Variants in SYTL5 observed in about 807,000 individuals in gnomAD.
SYTL5 encodes synaptotagmin-like protein 5.
A neutral mutation model predicts 55.9 loss-of-function variants in SYTL5; 34 were observed. The ratio of observed to expected loss-of-function variants is 0.61; its 90% CI spans 0.46 to 0.81. The LOEUF (loss-of-function observed/expected upper bound fraction) is 0.81, where lower values mean the gene tolerates loss of function less well. SYTL5 is among the 30% of genes least tolerant of loss of function. SYTL5 has a pLI of 0.00. For synonymous variants in SYTL5, 221 were observed against 188.7 expected, an observed-to-expected ratio of 1.17 and a Z score of -1.40; for missense variants, 637 against 546.7, an observed-to-expected ratio of 1.17 and a Z score of -1.65.
intron 11 of SYTL5, 59 bp from the exon 12 acceptor site, chrX:38,108,541 G>C (rs1034922454): frequency 3.3e-6 from 3 of 913,626 alleles, no homozygotes; most frequent in Non-Finnish European, 4.6e-6. Flanking sequence ...CGAAGTCTTT[G>C]AACATTTCTT....
the SYTL5 span, among the ~76,000 whole-genome samples, chrX:37,962,049 CCTA>C: frequency 2.1e-3 from 232 of 110,974 alleles, 1 homozygote; most frequent in African/African-American, 7.3e-3. Flanking sequence ...TGATTTGTCT[CCTA>C]CTTTTTTTTT....
intron 2 of SYTL5, among the ~76,000 whole-genome samples, chrX:38,039,930 C>T (rs1344046836): frequency 1.8e-5 from 2 of 111,285 alleles, no homozygotes; most frequent in Non-Finnish European, 3.8e-5. Flanking sequence ...AATCCCAGCA[C>T]TTTGGGAGAC....
the SYTL5 span, among the ~76,000 whole-genome samples, chrX:37,972,643 G>C: frequency 1.8e-5 from 2 of 111,610 alleles, no homozygotes; most frequent in African/African-American, 6.5e-5. Flanking sequence ...ACCATGGCCC[G>C]TGACACAACC....
intron 9 of SYTL5, among the ~76,000 whole-genome samples, chrX:38,099,720 A>G (rs1037708655): frequency 3.6e-5 from 4 of 111,201 alleles, no homozygotes; most frequent in Admixed American, 9.5e-5. Flanking sequence ...AGAGCTTCTC[A>G]TGTATGGTTT....
At chrX:38,099,916 T>A (rs1393133965) in intron 9 of SYTL5, among the ~76,000 whole-genome samples, 1 of 111,595 alleles carries the variant, frequency 9.0e-6, no homozygotes, top group Non-Finnish European at 1.9e-5. Context: ...ATTCCAAGGA[T>A]AAATCCCACT....
At chrX:38,043,664 TATATATATATATATATATATATATATAC>T (rs1323841550) in intron 2 of SYTL5, among the ~76,000 whole-genome samples, 1 of 34,739 alleles carries the variant, frequency 2.9e-5, no homozygotes, top group East Asian at 1.1e-3. Flanking sequence ...TATGTATGTA[TATATATATATATATATATATATATATAC>T]ATATATATAT....
chrX:38,091,606 G>A (rs1028231242), intron 7 of SYTL5, among the ~76,000 whole-genome samples: 1 of 111,573 alleles, frequency 9.0e-6, no homozygotes, highest in Non-Finnish European at 1.9e-5. Context: ...AGGGAGCACA[G>A]GGAAGTGGGA....
intron 13 of SYTL5, among the ~76,000 whole-genome samples, chrX:38,111,523 C>A (rs780640553): frequency 8.9e-6 from 1 of 112,238 alleles, no homozygotes; most frequent in South Asian, 3.7e-4. Flanking sequence ...AGTGATTAGG[C>A]ATAGCTTGAT....
intron 6 of SYTL5, among the ~76,000 whole-genome samples, chrX:38,080,091 T>C (rs1290657798): frequency 9.0e-6 from 1 of 111,328 alleles, no homozygotes; most frequent in Non-Finnish European, 1.9e-5. Context: ...AGGGCATTTC[T>C]AGGCCTCCAG....
intron 3 of SYTL5, among the ~76,000 whole-genome samples, chrX:38,064,980 T>C (rs1936060198): frequency 9.0e-6 from 1 of 111,711 alleles, no homozygotes; most frequent in African/African-American, 3.2e-5. Context: ...TTTGCATTTA[T>C]TTATTTTATC....
chrX:38,113,629 T>C (rs1937413169), intron 13 of SYTL5, among the ~76,000 whole-genome samples: 1 of 111,589 alleles, frequency 9.0e-6, no homozygotes, highest in Non-Finnish European at 1.9e-5. Flanking sequence ...ATACTAACCC[T>C]CACCCTGGCA....
the SYTL5 span, among the ~76,000 whole-genome samples, chrX:37,924,525 TAGA>T: frequency 1.2e-4 from 13 of 111,590 alleles, no homozygotes; most frequent in African/African-American, 3.9e-4. Flanking sequence ...GTATAGCTTA[TAGA>T]AGAAGTAAGA....
chrX:38,001,268 G>A, the SYTL5 span, among the ~76,000 whole-genome samples: 3 of 111,872 alleles, frequency 2.7e-5, no homozygotes, highest in South Asian at 1.1e-3. Flanking sequence ...TATCCTTTGT[G>A]TTATAAACAA....
intron 3 of SYTL5, among the ~76,000 whole-genome samples, chrX:38,070,146 C>T (rs1463668295): frequency 9.0e-6 from 1 of 111,452 alleles, no homozygotes; most frequent in Non-Finnish European, 1.9e-5. Flanking sequence ...TATAATTTAC[C>T]TTTGCCTCAG....
Position 38,033,836 on chromosome X carries a change from A to C in SYTL5, c.-54A>C. 2 of 688,034 alleles carry C rather than the reference A, an allele frequency of 2.9e-6. No homozygotes were observed. The highest frequency in any genetic ancestry group is 4.5e-6 in the Non-Finnish European group (2 of 446,051). 56.7% of individuals were successfully genotyped at this position (688,034 alleles called of 1,213,427 possible). ...GGGGGAATCTTAGTTGTAGATATCAATTCACCTTCTTGAAGATTCAACCAC... is the reference window on the plus strand; with the variant it reads ...GGGGGAATCTTAGTTGTAGATATCACTTCACCTTCTTGAAGATTCAACCAC... On this transcript the variant is annotated 5_prime_UTR_variant, in exon 2 of 17. Coordinates refer to ENST00000297875, the MANE Select transcript of SYTL5 (RefSeq NM_138780.3).
At chrX:38,120,310 A>G (rs1937555819) in intron 13 of SYTL5, 48 bp from the exon 14 acceptor site, 1 of 924,291 alleles carries the variant, frequency 1.1e-6, no homozygotes, top group African/African-American at 1.9e-5. Flanking sequence ...CTACAATACT[A>G]AGCCAATCAT....
chrX:38,118,909 C>T (rs1937533769), intron 13 of SYTL5, among the ~76,000 whole-genome samples: 1 of 85,268 alleles, frequency 1.2e-5, no homozygotes, highest in Non-Finnish European at 2.2e-5. Context: ...TGCATGCCAC[C>T]ATGCCCAGCT....
chrX:37,906,892 T>G, the SYTL5 span, among the ~76,000 whole-genome samples: 1 of 112,242 alleles, frequency 8.9e-6, no homozygotes, highest in Non-Finnish European at 1.9e-5. Flanking sequence ...AAACTACGTG[T>G]TAGTTTCTCC....
At chrX:38,082,261 A>G (rs1936550813) in intron 6 of SYTL5, among the ~76,000 whole-genome samples, 1 of 111,464 alleles carries the variant, frequency 9.0e-6, no homozygotes, top group South Asian at 3.8e-4. Flanking sequence ...CTCTATTTCT[A>G]TGAACTAAAT....
Sources: gnomAD v4.1 joint callset for allele counts (sites outside exome capture counted in the v4.1 genomes callset) on GRCh38, gnomAD v4.1.1 for gene constraint, MANE v1.5 for transcripts, NCBI Gene and HGNC (gene_info 2026-07-23, HGNC 2026-07-21) for gene names.